Variants in DTL observed in about 807,000 individuals in gnomAD.
DTL encodes denticleless protein homolog.
A neutral mutation model predicts 87.0 loss-of-function variants in DTL; 46 were observed. That is an observed-to-expected ratio of 0.53 (90% CI 0.42 to 0.68). The LOEUF (loss-of-function observed/expected upper bound fraction) is 0.68, where lower values mean the gene tolerates loss of function less well. DTL is among the 30% of genes least tolerant of loss of function. DTL has a pLI of 0.00. For synonymous variants in DTL, 308 were observed against 311.2 expected (o/e 0.99, Z 0.11); for missense variants, 737 against 869.4 (o/e 0.85, Z 1.91).
rs925284222 is a variant in DTL at position 212,068,670 on chromosome 1, A to G, written c.889A>G (p.Met297Val). The change falls in exon 10 of 15, where the codon ATG becomes GTG. Residue 297 changes from methionine to valine, a missense_variant. Coordinates refer to ENST00000366991, the MANE Select transcript of DTL (RefSeq NM_016448.4). The stretch of plus-strand genomic sequence containing the variant: ...TAATTGCACAGACGATAACATCTAC[A>G]TGTTTAATATGACTGGGTTGAAGAC... The part of the protein sequence containing the change: ...FANCTDDNIY[M>V]FNMTGLKTSP... 1.9e-6 allele frequency: 3 copies of G among 1,611,968 alleles called. No homozygotes were observed. Among genetic ancestry groups the G allele is most frequent in the Non-Finnish European group, 2.5e-6 (3 of 1,178,356 alleles).
At chr1:212,101,161 C>T (rs1571988803) in intron 14 of DTL, 77 bp downstream of exon 14, 14 of 688,866 alleles carry the variant, frequency 2.0e-5, no homozygotes, top group South Asian at 6.3e-5. Flanking sequence ...AGTCAGGATG[C>T]TTTTTTTTTT....
At chr1:212,042,403 TC>T (rs1667679953) in intron 1 of DTL, among the ~76,000 whole-genome samples, 1 of 152,224 alleles carries the variant, frequency 6.6e-6, no homozygotes, top group Non-Finnish European at 1.5e-5. Context: ...TTAAATGTTT[TC>T]TAGGGGTAGG....
chr1:212,068,565 T>C (rs201883312), intron 9 of DTL, 34 bp from the exon 10 acceptor site: 10 of 1,346,688 alleles, frequency 7.4e-6, no homozygotes, highest in Non-Finnish European at 1.1e-5. Flanking sequence ...CTCACCATCA[T>C]CAGGACGTGC....
intron 10 of DTL, among the ~76,000 whole-genome samples, chr1:212,071,411 G>T (rs1325291132): frequency 6.6e-6 from 1 of 152,156 alleles, no homozygotes; most frequent in Non-Finnish European, 1.5e-5. Context: ...TGGGTTACCT[G>T]CCCTTTTGCC....
Position 212,074,059 on chromosome 1 carries a change from T to A in DTL, c.1035+1846T>A, listed in dbSNP as rs1017980. Among the ~76,000 whole-genome samples the A allele has an allele frequency of 5.7e-3, 869 of 151,204 alleles. 5 individuals carry two copies. Among genetic ancestry groups the A allele is most frequent in the African/African-American group, 0.02 (809 of 41,306 alleles). On this transcript the variant is annotated intron_variant, in intron 11 of 14. Transcript: ENST00000366991. ...GGTTTGTTTCTTGTTAAAAAAAAAATTTTTTTTTCCAACATCACAAAAAGC... is the reference window on the plus strand; with the variant it reads ...GGTTTGTTTCTTGTTAAAAAAAAAAATTTTTTTTCCAACATCACAAAAAGC...
chr1:212,051,442 CTTTTTTTTTTTTTT>C (rs958429363), intron 5 of DTL: 55 of 197,162 alleles, frequency 2.8e-4, no homozygotes, highest in African/African-American at 9.3e-4. Context: ...ATATGAAATT[CTTTTTTTTTTTTTT>C]TTTTTTTTTT....
intron 11 of DTL, among the ~76,000 whole-genome samples, chr1:212,076,739 A>G (rs983236869): frequency 7.2e-5 from 11 of 152,198 alleles, no homozygotes; most frequent in Non-Finnish European, 1.0e-4. Flanking sequence ...GAGGAAAGGA[A>G]AATTTCTGTG....
At chr1:212,066,780 G>A (rs1455223405) in intron 7 of DTL, 32 bp from the exon 8 acceptor site, 2 of 1,604,014 alleles carry the variant, frequency 1.2e-6, no homozygotes, top group Non-Finnish European at 1.7e-6. Flanking sequence ...TGATGCCCAA[G>A]ATAGAATCTT....
chr1:212,054,914 C>T (rs1571949744), intron 5 of DTL, among the ~76,000 whole-genome samples: 3 of 152,040 alleles, frequency 2.0e-5, no homozygotes, highest in South Asian at 2.1e-4. Flanking sequence ...AAAATGAACC[C>T]GAGTGACATT....
At chr1:212,089,700 C>T (rs1655229151) in intron 13 of DTL, among the ~76,000 whole-genome samples, 1 of 152,194 alleles carries the variant, frequency 6.6e-6, no homozygotes, top group Non-Finnish European at 1.5e-5. Flanking sequence ...CTTTGACCCC[C>T]ATGGACCACT....
In DTL at chr1:212,044,719, A is replaced by G. The variant is rs374259676; in HGVS notation, c.238A>G (p.Asn80Asp). The part of the protein sequence containing the change: ...ANEEGFVRLY[N>D]TESQSFRKKC... ...TGAAGAAGGCTTTGTTCGATTGTATAACACAGAATCACAAAGTTTCAGAAA... is the reference window on the plus strand; with the variant it reads ...TGAAGAAGGCTTTGTTCGATTGTATGACACAGAATCACAAAGTTTCAGAAA... Residue 80 changes from asparagine to aspartate, a missense_variant, in exon 3 of 15, where the codon AAC (asparagine) becomes GAC (aspartate). By Grantham distance (23) the Asn-to-Asp change is conservative (BLOSUM62 1). Transcript: ENST00000366991. 8 of 1,613,542 alleles carry G rather than the reference A, an allele frequency of 5.0e-6. No homozygotes were observed. Among genetic ancestry groups the G allele is most frequent in the Admixed American group, 1.7e-5 (1 of 60,000 alleles).
rs149394505 is a variant in DTL at position 212,093,434 on chromosome 1, G to A, written c.1262-6818G>A. ...CTTGCCTTGGTGTACCAGAAGACTC[G>A]GATCACATGTGGGCTTGGAGAATTT... On this transcript the variant is annotated intron_variant, in intron 13 of 14. Coordinates refer to ENST00000366991, the MANE Select transcript of DTL (RefSeq NM_016448.4). Among the ~76,000 whole-genome samples the A allele has an allele frequency of 1.2e-3, 182 of 152,296 alleles. No individual in the cohort carries two copies. The East Asian group carries it at 0.019, about 16-fold the overall frequency.
At chr1:212,081,055 T>C (rs1024192428) in intron 13 of DTL, among the ~76,000 whole-genome samples, 1 of 151,972 alleles carries the variant, frequency 6.6e-6, no homozygotes, top group African/African-American at 2.4e-5. Context: ...AAGATGTAAA[T>C]AGAGCTAACA....
At position 212,044,684 on chromosome 1, in the gene DTL, C is replaced by T; in HGVS notation, c.203C>T (p.Ala68Val). 1.2e-6 allele frequency: 2 copies of T among 1,611,238 alleles called. No individual in the cohort carries two copies. The highest frequency in any genetic ancestry group is 1.7e-6 in the Non-Finnish European group (2 of 1,177,926). ...GCTCCCAATATGGAACATGTACTAG[C>T]AGTTGCCAATGAAGAAGGCTTTGTT... ...SSAPNMEHVLAVANEEGFVRL... is the reference protein window; with the variant it reads ...SSAPNMEHVLVVANEEGFVRL... The change falls in exon 3 of 15, where the codon GCA becomes GTA. Residue 68 changes from alanine to valine, a missense_variant. Coordinates refer to ENST00000366991, the MANE Select transcript of DTL (RefSeq NM_016448.4).
chr1:212,086,723 A>G (rs1297733380), intron 13 of DTL, among the ~76,000 whole-genome samples: 1 of 152,330 alleles, frequency 6.6e-6, no homozygotes, highest in African/African-American at 2.4e-5. Flanking sequence ...TTGCAACACT[A>G]TTTCAAATAC....
intron 1 of DTL, among the ~76,000 whole-genome samples, chr1:212,039,934 G>A (rs1484264418): frequency 6.6e-6 from 1 of 152,128 alleles, no homozygotes; most frequent in Non-Finnish European, 1.5e-5. Context: ...ACGAAGACCT[G>A]GGACATTATA....
intron 10 of DTL, among the ~76,000 whole-genome samples, chr1:212,071,005 T>A (rs1654654102): frequency 6.6e-6 from 1 of 152,206 alleles, no homozygotes; most frequent in East Asian, 1.9e-4. Flanking sequence ...TTTAGAACAA[T>A]GTTCAGAATA....
intron 12 of DTL, among the ~76,000 whole-genome samples, chr1:212,079,250 G>T (rs1654923756): frequency 6.6e-6 from 1 of 151,564 alleles, no homozygotes; most frequent in Non-Finnish European, 1.5e-5. Flanking sequence ...AACATGGAGG[G>T]TTGCATCTTC....
intron 1 of DTL, among the ~76,000 whole-genome samples, chr1:212,041,210 G>A (rs993587607): frequency 2.0e-4 from 30 of 152,108 alleles, no homozygotes; most frequent in African/African-American, 5.6e-4. Context: ...AAGTAGAGGG[G>A]TAGGCAAGGA....
Sources: gnomAD v4.1 joint callset for allele counts (sites outside exome capture counted in the v4.1 genomes callset) on GRCh38, gnomAD v4.1.1 for gene constraint, MANE v1.5 for transcripts, NCBI Gene and HGNC (gene_info 2026-07-23, HGNC 2026-07-21) for gene names.